PCDHGA10: variants seen among roughly 807,000 people sequenced by gnomAD.
PCDHGA10 encodes protocadherin gamma-A10.
In PCDHGA10, 42 loss-of-function variants were observed where a neutral mutation model predicts 59.5. The observed-to-expected ratio is 0.71, with a 90% CI of 0.55 to 0.91. PCDHGA10 has a LOEUF of 0.91. PCDHGA10 is among the 40% of genes least tolerant of loss of function. The probability of loss-of-function intolerance (pLI) is 0.00; values close to 1 mark genes in which losing one functional copy is unlikely to be tolerated. For synonymous variants in PCDHGA10, 511 were observed against 517.2 expected (o/e 0.99, Z 0.16); for missense variants, 1,111 against 1,198.2 (o/e 0.93, Z 1.07).
chr5:141,454,948 C>T (rs2098807728), intron 1 of PCDHGA10, among the ~76,000 whole-genome samples: 1 of 151,548 alleles, frequency 6.6e-6, no homozygotes, highest in Non-Finnish European at 1.5e-5. Flanking sequence ...GCTGGGACTA[C>T]AGGCGCCGGC....
intron 1 of PCDHGA10, among the ~76,000 whole-genome samples, chr5:141,450,823 A>ATTT: frequency 7.5e-6 from 1 of 133,136 alleles, no homozygotes; most frequent in African/African-American, 2.9e-5. Flanking sequence ...TAATATTATT[A>ATTT]TTATTATTTT....
At position 141,488,726 on chromosome 5, in the gene PCDHGA10, G is replaced by A. The variant is rs1562126303; in HGVS notation, c.2437-6081G>A. 2.0e-5 allele frequency among the ~76,000 whole-genome samples: 3 copies of A among 152,194 alleles called. No homozygotes were observed. The South Asian group carries it at 6.2e-4, about 32-fold the overall frequency. ...TGCTGGTTCAAGCAAAGTGGTGGAA[G>A]CTTCTGAAGTCATGCAGGAAGTTGC... On this transcript the variant is annotated intron_variant, in intron 1 of 3. Transcript: ENST00000398610.
At position 141,487,025 on chromosome 5, in the gene PCDHGA10, C is replaced by T. The variant is rs769789352; in HGVS notation, c.2437-7782C>T. On this transcript the variant is annotated intron_variant, in intron 1 of 3. Transcript: ENST00000398610. This position sits in a 1 kb window ranked among gnomAD's most constrained non-coding sequence, Gnocchi z 5.0. ...GCTCCTGGAGGCCCCAGATCCCAGCCTGTTTGCAGTCTCTCGATATGCTGG... is the reference window on the plus strand; with the variant it reads ...GCTCCTGGAGGCCCCAGATCCCAGCTTGTTTGCAGTCTCTCGATATGCTGG... 1.9e-6 allele frequency: 3 copies of T among 1,614,216 alleles called. No homozygotes were observed. Among genetic ancestry groups the T allele is most frequent in the Non-Finnish European group, 2.5e-6 (3 of 1,180,050 alleles).
intron 1 of PCDHGA10, chr5:141,475,832 T>C: frequency 2.4e-6 from 1 of 410,610 alleles, no homozygotes; most frequent in Non-Finnish European, 4.4e-6. Flanking sequence ...CTAGCGCGTG[T>C]CCTGCTCAGA....
At chr5:141,422,709 T>A in intron 1 of PCDHGA10, 1 of 1,603,558 alleles carries the variant, frequency 6.2e-7, no homozygotes, top group Admixed American at 1.7e-5. Flanking sequence ...CTCTGACGGA[T>A]GACACTGTCC....
At position 141,431,359 on chromosome 5, in the gene PCDHGA10, G is replaced by C; in HGVS notation, c.2436+15748G>C. ...CCGAATTGGTGCTGAAACGCGCCCT[G>C]GACCGCGAAGAAAAGGCTGCTCACC... On this transcript the variant is annotated intron_variant, in intron 1 of 3. Coordinates refer to ENST00000398610, the MANE Select transcript of PCDHGA10 (RefSeq NM_018913.3). This position sits in a 1 kb window ranked among gnomAD's most constrained non-coding sequence, Gnocchi z 4.8. The C allele has an allele frequency of 6.2e-7, 1 of 1,614,024 alleles. No homozygotes were observed. Among genetic ancestry groups the C allele is most frequent in the Non-Finnish European group, 8.5e-7 (1 of 1,180,030 alleles).
chr5:141,423,656 A>G (rs988976310), intron 1 of PCDHGA10: 2 of 1,571,854 alleles, frequency 1.3e-6, no homozygotes, highest in African/African-American at 1.4e-5. Context: ...CCGACAAGTA[A>G]TCAGGTGAGA....
Position 141,419,737 on chromosome 5 carries a change from G to A in PCDHGA10, c.2436+4126G>A, listed in dbSNP as rs201663350. 29 of 1,613,836 alleles carry A rather than the reference G, an allele frequency of 1.8e-5. No individual in the cohort carries two copies. In the African/African-American group the frequency reaches 3.6e-4, roughly 20 times the overall value. ...GCCTGGGGCTGCGAACAGGCGAGGTGCGCATGGTGCGTGCTTTGGGTGACA... is the reference window on the plus strand; with the variant it reads ...GCCTGGGGCTGCGAACAGGCGAGGTACGCATGGTGCGTGCTTTGGGTGACA... On this transcript the variant is annotated intron_variant, in intron 1 of 3. Transcript: ENST00000398610.
At chr5:141,452,016 A>G (rs988436326) in intron 1 of PCDHGA10, among the ~76,000 whole-genome samples, 5 of 152,084 alleles carry the variant, frequency 3.3e-5, no homozygotes, top group Non-Finnish European at 5.9e-5. Flanking sequence ...TCCAGCCCAC[A>G]CTCTGGGGAG....
At chr5:141,415,709 C>A in intron 1 of PCDHGA10, 98 bp downstream of exon 1, 1 of 1,092,276 alleles carries the variant, frequency 9.2e-7, no homozygotes, top group Non-Finnish European at 1.3e-6. Context: ...AATGCTAAAA[C>A]ACTGATGAGT....
At chr5:141,453,745 A>G (rs1208061874) in intron 1 of PCDHGA10, among the ~76,000 whole-genome samples, 1 of 152,264 alleles carries the variant, frequency 6.6e-6, no homozygotes, top group African/African-American at 2.4e-5. Context: ...CTTAAATAAC[A>G]TAAGTCTCCT....
intron 1 of PCDHGA10, among the ~76,000 whole-genome samples, chr5:141,458,275 G>A (rs975142859): frequency 2.6e-5 from 4 of 152,142 alleles, no homozygotes; most frequent in Non-Finnish European, 5.9e-5. Flanking sequence ...GAACAACAGG[G>A]TTCCTGGTCC....
chr5:141,473,004 AAAAG>A (rs1215989598), intron 1 of PCDHGA10, among the ~76,000 whole-genome samples: 5 of 151,730 alleles, frequency 3.3e-5, no homozygotes, highest in Non-Finnish European at 7.4e-5. Context: ...AAAAGAAAGA[AAAAG>A]AAAAAGAAAG....
At chr5:141,423,790 T>C (rs1561813105) in intron 1 of PCDHGA10, 2 of 1,261,874 alleles carry the variant, frequency 1.6e-6, no homozygotes, top group Non-Finnish European at 1.0e-6. Context: ...TTCATATATA[T>C]TTAGAGCAAT....
intron 1 of PCDHGA10, chr5:141,428,456 A>G (rs538022786): frequency 1.4e-5 from 5 of 358,650 alleles, no homozygotes; most frequent in South Asian, 1.1e-4. Context: ...TTTCCCAACT[A>G]CAATGAGGGA....
intron 1 of PCDHGA10, among the ~76,000 whole-genome samples, chr5:141,480,299 C>T: frequency 7.5e-6 from 1 of 132,466 alleles, no homozygotes; most frequent in Non-Finnish European, 1.6e-5. Flanking sequence ...CCTGTGGTAC[C>T]AGCTACTTGG....
chr5:141,495,973 A>T, intron 2 of PCDHGA10, among the ~76,000 whole-genome samples: 1 of 146,986 alleles, frequency 6.8e-6, no homozygotes, highest in Admixed American at 6.8e-5. Flanking sequence ...TTTCTCTGTT[A>T]CTCTTTCTTT....
Position 141,511,207 on chromosome 5 carries a change from T to A in PCDHGA10, c.*34T>A, listed in dbSNP as rs773761839. ...CCAGGCCAAGAGCCACAGGGCGGCC[T>A]CTCCCCAACCAGCCCAGCTTCTCCT... On this transcript the variant is annotated 3_prime_UTR_variant, in exon 4 of 4. Transcript: ENST00000398610. 1 of 1,611,162 alleles carries A rather than the reference T, an allele frequency of 6.2e-7. No individual in the cohort carries two copies. The highest frequency in any genetic ancestry group is 1.1e-5 in the South Asian group (1 of 90,702).
In PCDHGA10 at chr5:141,423,758, G is replaced by T. The variant is rs1192987646; in HGVS notation, c.2436+8147G>T. Reference sequence around the variant, plus strand: ...CTGTTATGAAAACTGTTTGGGGGGGGGGTGGGGCGGCATATATTTAGTTCA... The same window carrying T: ...CTGTTATGAAAACTGTTTGGGGGGGTGGTGGGGCGGCATATATTTAGTTCA... On this transcript the variant is annotated intron_variant, in intron 1 of 3. Transcript: ENST00000398610. 1.4e-4 allele frequency: 53 copies of T among 366,832 alleles called. 6 individuals carry two copies. The highest frequency in any genetic ancestry group is 3.4e-4 in the South Asian group (4 of 11,762). 22.7% of individuals were successfully genotyped at this position (366,832 alleles called of 1,614,324 possible).
Sources: allele counts gnomAD v4.1 joint callset (sites outside exome capture counted in the v4.1 genomes callset), GRCh38; gene constraint gnomAD v4.1.1; non-coding constraint Gnocchi (gnomAD v3.1); transcripts MANE v1.5; gene names NCBI Gene and HGNC (gene_info 2026-07-23, HGNC 2026-07-21).